The following ABCC4 variants were observed in gnomAD, a reference collection of about 807,000 sequenced individuals.
ABCC4 encodes ATP-binding cassette sub-family C member 4.
ABCC4 carries 102 observed loss-of-function variants against 168.5 expected under a neutral mutation model. The observed-to-expected ratio is 0.61, with a 90% CI of 0.52 to 0.71. ABCC4 has a LOEUF of 0.71. ABCC4 is among the 30% of genes least tolerant of loss of function. The pLI is 0.00. For missense variants in ABCC4, 1,402 were observed against 1,605.8 expected (o/e 0.87, Z 2.17); for synonymous variants, 617 against 590.7 (o/e 1.04, Z -0.65).
At position 95,043,728 on chromosome 13, in the gene ABCC4, G is replaced by A. The variant is rs759879316; in HGVS notation, c.3689C>T (p.Thr1230Ile). The A allele has an allele frequency of 6.2e-6, 10 of 1,613,952 alleles. No homozygotes were observed. The highest frequency in any genetic ancestry group is 8.5e-6 in the Non-Finnish European group (10 of 1,179,954). Residue 1230 changes from threonine (T) to isoleucine (I), a missense_variant, in exon 29 of 31, where the codon ACC (threonine) becomes ATC (isoleucine). This residue lies in a region of ABCC4 where 1,007 missense variants were observed against 1,127.3 expected (regional missense o/e 0.89). Coordinates refer to ENST00000645237, the MANE Select transcript of ABCC4 (RefSeq NM_005845.5). ...AATGGTGTTCAATCTGTGTGCAATG[G>A]TTAGCACGGTGCAGTGGGCAAATTT... ...REKFAHCTVL[T>I]IAHRLNTIID...
chr13:95,258,728 C>T (rs1272291611), intron 1 of ABCC4, among the ~76,000 whole-genome samples: 2 of 152,044 alleles, frequency 1.3e-5, no homozygotes, highest in Non-Finnish European at 2.9e-5. Flanking sequence ...AGAGAACACC[C>T]ACATCTGGGG....
chr13:95,106,744 A>G (rs2035019809), intron 20 of ABCC4, among the ~76,000 whole-genome samples: 1 of 140,866 alleles, frequency 7.1e-6, no homozygotes, highest in Admixed American at 7.5e-5. Flanking sequence ...TGAGGCAGTG[A>G]CACAGGATAG....
chr13:95,170,333 C>A (rs1285914393), intron 14 of ABCC4, 199 bp downstream of exon 14: 3 of 454,332 alleles, frequency 6.6e-6, no homozygotes, highest in East Asian at 3.4e-5. Flanking sequence ...AATGTAGTAA[C>A]CTTGAGGTAG....
intron 30 of ABCC4, among the ~76,000 whole-genome samples, chr13:95,024,361 C>G (rs991969282): frequency 6.6e-6 from 1 of 152,086 alleles, no homozygotes; most frequent in Non-Finnish European, 1.5e-5. Flanking sequence ...AGTATCAGGT[C>G]AGTGAGTATG....
At chr13:95,116,581 T>C (rs1309850911) in intron 19 of ABCC4, among the ~76,000 whole-genome samples, 1 of 152,162 alleles carries the variant, frequency 6.6e-6, no homozygotes, top group Non-Finnish European at 1.5e-5. Flanking sequence ...GCAAACAGTA[T>C]GACAAAAACA....
rs144410539 is a variant in ABCC4 at position 95,044,534 on chromosome 13, G to A, written c.3457-96C>T. On this transcript the variant is annotated intron_variant, in intron 27 of 30. Transcript: ENST00000645237. ...TTAGAACCTTCAAGTCCCTTCTCTCGAGAGATATAACTTAAGTGGACACAC... is the reference window on the plus strand; with the variant it reads ...TTAGAACCTTCAAGTCCCTTCTCTCAAGAGATATAACTTAAGTGGACACAC... 16 of 1,116,328 alleles carry A rather than the reference G, an allele frequency of 1.4e-5. No individual in the cohort carries two copies. In the South Asian group the frequency reaches 1.8e-4, roughly 12 times the overall value. 69.2% of individuals were successfully genotyped at this position (1,116,328 alleles called of 1,614,324 possible).
At chr13:95,203,097 C>G (rs1414640618) in intron 8 of ABCC4, among the ~76,000 whole-genome samples, 1 of 152,134 alleles carries the variant, frequency 6.6e-6, no homozygotes, top group Non-Finnish European at 1.5e-5. Flanking sequence ...AGGGGAGTTA[C>G]ACAAGTAAAA....
At chr13:95,266,256 G>C (rs181588928) in intron 1 of ABCC4, 1 of 152,684 alleles carries the variant, frequency 6.5e-6, no homozygotes, top group South Asian at 2.1e-4. Flanking sequence ...AGAAAGAGGC[G>C]GGGGAGACCT....
chr13:95,149,289 C>T (rs2036598245), intron 19 of ABCC4, among the ~76,000 whole-genome samples: 1 of 152,180 alleles, frequency 6.6e-6, no homozygotes, highest in African/African-American at 2.4e-5. Flanking sequence ...ACTAACTTTT[C>T]CAACTTGGCA....
chr13:95,255,118 A>G lies in ABCC4; in HGVS notation c.75-7365T>C, dbSNP rs112396598. ...CCTGGATTCTGCAAATGGGTTTCAG[A>G]AAGAGGGTGCAAGGACACACACCAG... On this transcript the variant is annotated intron_variant, in intron 1 of 30. Transcript: ENST00000645237. Among the ~76,000 whole-genome samples, 430 of 152,326 alleles carry G rather than the reference A, an allele frequency of 2.8e-3. 2 individuals are homozygous for G. The highest frequency in any genetic ancestry group is 4.1e-3 in the South Asian group (20 of 4,824).
chr13:95,194,986 G>A, intron 8 of ABCC4, 49 bp from the exon 9 acceptor site: 3 of 1,516,430 alleles, frequency 2.0e-6, no homozygotes, highest in Non-Finnish European at 2.7e-6. Flanking sequence ...AGAAACAAAA[G>A]CACAAACAAA....
chr13:95,183,695 T>C (rs2037970663), intron 11 of ABCC4, among the ~76,000 whole-genome samples: 1 of 152,112 alleles, frequency 6.6e-6, no homozygotes, highest in South Asian at 2.1e-4. Flanking sequence ...GGTGGATCAC[T>C]TGAGGTCAAG....
chr13:95,023,042 T>C (rs2031181693), intron 30 of ABCC4, among the ~76,000 whole-genome samples: 1 of 152,202 alleles, frequency 6.6e-6, no homozygotes, highest in Non-Finnish European at 1.5e-5. Context: ...CCTCTCCCAC[T>C]TTTTTAAGCT....
At chr13:95,258,868 A>T (rs1426677655) in intron 1 of ABCC4, among the ~76,000 whole-genome samples, 2 of 152,222 alleles carry the variant, frequency 1.3e-5, no homozygotes, top group African/African-American at 4.8e-5. Context: ...AGTGCATTGT[A>T]AAGTACTTTC....
chr13:95,159,371 T>C (rs149011384), intron 19 of ABCC4, among the ~76,000 whole-genome samples: 1 of 152,134 alleles, frequency 6.6e-6, no homozygotes, highest in Non-Finnish European at 1.5e-5. Context: ...TTATTTGGGC[T>C]TCTATTTTGT....
At chr13:95,170,663 A>G (rs775519231) in intron 13 of ABCC4, 35 bp from the exon 14 acceptor site, 1 of 1,291,032 alleles carries the variant, frequency 7.7e-7, no homozygotes, top group Non-Finnish European at 1.1e-6. Flanking sequence ...GAAAAAATGC[A>G]TGAATGGGGT....
intron 26 of ABCC4, among the ~76,000 whole-genome samples, chr13:95,055,399 T>C (rs1404808101): frequency 1.3e-5 from 2 of 152,224 alleles, no homozygotes; most frequent in Non-Finnish European, 2.9e-5. Context: ...TATTTTAAAA[T>C]GTCATTTAGT....
At chr13:95,038,177 A>G (rs1274949543) in intron 29 of ABCC4, among the ~76,000 whole-genome samples, 1 of 152,108 alleles carries the variant, frequency 6.6e-6, no homozygotes, top group Non-Finnish European at 1.5e-5. Flanking sequence ...ACTTCATTAA[A>G]GTTTCAGGAT....
chr13:95,047,282 T>C (rs543054630), intron 27 of ABCC4, among the ~76,000 whole-genome samples: 36 of 152,262 alleles, frequency 2.4e-4, no homozygotes, highest in Admixed American at 1.8e-3. Context: ...TATCTTAGCT[T>C]CCTAATTAAC....
Sources: allele counts gnomAD v4.1 joint callset (sites outside exome capture counted in the v4.1 genomes callset), GRCh38; gene constraint gnomAD v4.1.1; regional missense constraint gnomAD v4.1.1; transcripts MANE v1.5; gene names NCBI Gene and HGNC (gene_info 2026-07-23, HGNC 2026-07-21).